GAPVD1: variants seen among roughly 807,000 people sequenced by gnomAD.
The protein encoded by GAPVD1 is GTPase activating protein and VPS9 domains 1.
A neutral mutation model predicts 155.5 loss-of-function variants in GAPVD1; 35 were observed. The ratio of observed to expected loss-of-function variants is 0.23; its 90% CI spans 0.17 to 0.30. The LOEUF is 0.30. GAPVD1 is among the 10% of genes least tolerant of loss of function. GAPVD1 has a pLI of 1.00. For missense variants in GAPVD1, 1,429 were observed against 1,775.7 expected (o/e 0.80, Z 3.51); for synonymous variants, 636 against 619.7 (o/e 1.03, Z -0.39).
chr9:125,262,989 C>T (rs1007307387), intron 1 of GAPVD1, among the ~76,000 whole-genome samples: 2 of 152,226 alleles, frequency 1.3e-5, no homozygotes, highest in Admixed American at 6.5e-5. Flanking sequence ...TTACTAGACC[C>T]GCCGTTAGAC....
At chr9:125,280,392 A>ATC in intron 2 of GAPVD1, among the ~76,000 whole-genome samples, 1 of 97,920 alleles carries the variant, frequency 1.0e-5, no homozygotes, top group South Asian at 3.4e-4. Flanking sequence ...GCAAAAGTCC[A>ATC]TCTCAAAAAA....
intron 8 of GAPVD1, among the ~76,000 whole-genome samples, chr9:125,311,308 G>A (rs775198087): frequency 6.6e-5 from 10 of 151,984 alleles, no homozygotes; most frequent in Non-Finnish European, 1.2e-4. Flanking sequence ...ATGCATTTCA[G>A]GGGGGGAAGG....
At chr9:125,335,300 A>T in intron 15 of GAPVD1, 2 of 584,146 alleles carry the variant, frequency 3.4e-6, no homozygotes, top group East Asian at 6.1e-5. Flanking sequence ...CATTCTCTTC[A>T]TTTTTTATTT....
At chr9:125,278,065 G>A (rs1836096396) in intron 2 of GAPVD1, among the ~76,000 whole-genome samples, 1 of 152,116 alleles carries the variant, frequency 6.6e-6, no homozygotes, top group South Asian at 2.1e-4. Context: ...CATAAAATGA[G>A]CAAGAAACTG....
At chr9:125,357,333 C>T (rs1850232742) in intron 25 of GAPVD1, among the ~76,000 whole-genome samples, 1 of 152,182 alleles carries the variant, frequency 6.6e-6, no homozygotes, top group South Asian at 2.1e-4. Context: ...AATCGCAGCA[C>T]TTTGGGAGGC....
In GAPVD1 at chr9:125,360,638, G is replaced by A. The variant is rs758326667; in HGVS notation, c.4155G>A (p.Thr1385=). The A allele has an allele frequency of 1.9e-6, 3 of 1,613,832 alleles. No homozygotes were observed. Among genetic ancestry groups the A allele is most frequent in the Non-Finnish European group, 2.5e-6 (3 of 1,179,882 alleles). ...KVQCILRMCS[T]IMNLLSLANE... ...AGTGCATCCTGAGAATGTGCTCTAC[G>A]ATTATGAACCTCCTGAGCCTGGCCA... The change falls in exon 27 of 28, where the codon ACG becomes ACA. Residue 1385 remains threonine (T), a synonymous_variant. Coordinates refer to ENST00000297933, the MANE Select transcript of GAPVD1 (RefSeq NM_001282680.3).
At position 125,321,449 on chromosome 9, in the gene GAPVD1, T is replaced by C; in HGVS notation, c.1619T>C (p.Leu540Pro). 1 of 1,612,904 alleles carries C rather than the reference T, an allele frequency of 6.2e-7. No individual in the cohort carries two copies. Residue 540 changes from leucine (L) to proline (P), a missense_variant, in exon 10 of 28, where the codon CTT (leucine) becomes CCT (proline). Leu to Pro is a moderately conservative substitution (Grantham distance 98). Around this residue, in one of 4 missense-constraint regions of GAPVD1, gnomAD observed 628 missense variants for 733.4 expected, o/e 0.86. Transcript: ENST00000297933. ...MSENEVLNMQ[L>P]SDGGQGDVPV... ...ATTTTTTAGGTCCTAAACATGCAGC[T>C]TTCGGATGGAGGACAAGGAGATGTC...
At chr9:125,338,619 T>G (rs188754756) in intron 17 of GAPVD1, among the ~76,000 whole-genome samples, 15 of 152,322 alleles carry the variant, frequency 9.8e-5, no homozygotes, top group African/African-American at 3.1e-4. Context: ...GTTTGATGTT[T>G]TCTTGTGATT....
chr9:125,262,564 T>TAC (rs1026924792), intron 1 of GAPVD1, among the ~76,000 whole-genome samples: 1 of 152,112 alleles, frequency 6.6e-6, no homozygotes, highest in Non-Finnish European at 1.5e-5. Context: ...ACCACAGAAG[T>TAC]ACACCCAGGG....
At chr9:125,353,839 G>A (rs1479722664) in intron 23 of GAPVD1, among the ~76,000 whole-genome samples, 1 of 152,108 alleles carries the variant, frequency 6.6e-6, no homozygotes, top group African/African-American at 2.4e-5. Flanking sequence ...ATGAGATGTG[G>A]GTGGGGAATA....
At chr9:125,350,607 CT>C (rs759158828) in intron 22 of GAPVD1, 105 bp from the exon 23 acceptor site, 6 of 735,006 alleles carry the variant, frequency 8.2e-6, no homozygotes, top group Non-Finnish European at 1.4e-5. Flanking sequence ...CAGCTTAGTT[CT>C]AATGATACGT....
At position 125,366,787 on chromosome 9, in the gene GAPVD1, C is replaced by T. The variant is rs1244623511; in HGVS notation, c.*4041C>T. The T allele has an allele frequency of 6.6e-6, 1 of 152,176 alleles. No individual in the cohort carries two copies. Among genetic ancestry groups the T allele is most frequent in the Non-Finnish European group, 1.5e-5 (1 of 68,044 alleles). 9.4% of individuals were successfully genotyped at this position (152,176 alleles called of 1,614,324 possible). On this transcript the variant is annotated 3_prime_UTR_variant, in exon 28 of 28. Coordinates refer to ENST00000297933, the MANE Select transcript of GAPVD1 (RefSeq NM_001282680.3). ...TAGGACAAGGAATAGCTTTATTACT[C>T]TTGAGAACACTTGGATAAATGAAAA...
At chr9:125,274,214 C>T (rs1221084003) in intron 2 of GAPVD1, among the ~76,000 whole-genome samples, 1 of 151,724 alleles carries the variant, frequency 6.6e-6, no homozygotes, top group African/African-American at 2.4e-5. Context: ...GACGGGGTTT[C>T]ACCATGTTGG....
intron 20 of GAPVD1, 82 bp from the exon 21 acceptor site, chr9:125,349,308 T>G: frequency 5.2e-6 from 6 of 1,149,570 alleles, no homozygotes; most frequent in Non-Finnish European, 7.5e-6. Context: ...AATTTATTCT[T>G]GAGTTGCTCT....
intron 2 of GAPVD1, among the ~76,000 whole-genome samples, chr9:125,286,897 A>G (rs1379748985): frequency 6.6e-6 from 1 of 152,106 alleles, no homozygotes; most frequent in Non-Finnish European, 1.5e-5. Context: ...CAGCCTGGCC[A>G]ACGTGGCAAA....
intron 22 of GAPVD1, 115 bp from the exon 23 acceptor site, chr9:125,350,598 A>T: frequency 1.4e-6 from 1 of 707,964 alleles, no homozygotes; most frequent in South Asian, 1.8e-5. Flanking sequence ...GTGGCAATAC[A>T]GCTTAGTTCT....
At chr9:125,339,630 C>T (rs1284800179) in intron 17 of GAPVD1, among the ~76,000 whole-genome samples, 1 of 152,180 alleles carries the variant, frequency 6.6e-6, no homozygotes, top group Non-Finnish European at 1.5e-5. Flanking sequence ...GTTACACACA[C>T]ATTTACCTGT....
chr9:125,325,607 T>A (rs565716891), intron 11 of GAPVD1, among the ~76,000 whole-genome samples: 1 of 152,152 alleles, frequency 6.6e-6, no homozygotes, highest in South Asian at 2.1e-4. Context: ...GTTAGCTTTT[T>A]AAAAATTCCA....
chr9:125,347,746 G>A (rs2819626), intron 20 of GAPVD1, among the ~76,000 whole-genome samples: 112 of 151,802 alleles, frequency 7.4e-4, no homozygotes, highest in African/African-American at 2.6e-3. Context: ...AACATAAATA[G>A]TATACTGCAT....
Sources: allele counts gnomAD v4.1 joint callset (sites outside exome capture counted in the v4.1 genomes callset), GRCh38; gene constraint gnomAD v4.1.1; regional missense constraint gnomAD v4.1.1; transcripts MANE v1.5; gene names NCBI Gene and HGNC (gene_info 2026-07-23, HGNC 2026-07-21).